MTMR12: variants seen among roughly 807,000 people sequenced by gnomAD.
MTMR12 encodes myotubularin related protein 12, also known as myotubularin-related protein 12.
In MTMR12, 33 loss-of-function variants were observed where a neutral mutation model predicts 96.7. That is an observed-to-expected ratio of 0.34 (90% CI 0.26 to 0.46). The LOEUF is 0.46. Ranked by LOEUF, MTMR12 falls within the 20% of genes least tolerant of loss-of-function variation. MTMR12 has a pLI of 1.00. For synonymous variants in MTMR12, 298 were observed against 327.2 expected (o/e 0.91, Z 0.96); for missense variants, 721 against 896.1 (o/e 0.80, Z 2.49).
chr5:32,279,025 G>A (rs147396961), intron 1 of MTMR12, among the ~76,000 whole-genome samples: 2,471 of 136,986 alleles, frequency 0.018, 74 homozygotes, highest in African/African-American at 0.062. Context: ...GCAGTGAGCC[G>A]AGATTGTGCC....
Position 32,228,547 on chromosome 5 carries a change from T to TATATATGATATATATATCAC in MTMR12, c.*1230_*1231insGTGATATATATATCATATAT, listed in dbSNP as rs1747830490. ...TATCATATATATGATATATATATCA[T>TATATATGATATATATATCAC]ATATATGTGATATATATATATCATA... On this transcript the variant is annotated 3_prime_UTR_variant, in exon 16 of 16. Coordinates refer to ENST00000382142, the MANE Select transcript of MTMR12 (RefSeq NM_001040446.3). 7.5e-6 allele frequency: 1 copy of TATATATGATATATATATCAC among 132,666 alleles called. No individual in the cohort carries two copies. The highest frequency in any genetic ancestry group is 3.0e-5 in the African/African-American group (1 of 33,846). 8.2% of individuals were successfully genotyped at this position (132,666 alleles called of 1,614,324 possible).
At chr5:32,295,244 A>T (rs571415314) in intron 1 of MTMR12, among the ~76,000 whole-genome samples, 12 of 152,298 alleles carry the variant, frequency 7.9e-5, no homozygotes, top group African/African-American at 2.9e-4. Flanking sequence ...GCTCTATTCC[A>T]CTAGCTATAT....
At chr5:32,307,320 C>A (rs1232541091) in intron 1 of MTMR12, among the ~76,000 whole-genome samples, 1 of 152,070 alleles carries the variant, frequency 6.6e-6, no homozygotes, top group Non-Finnish European at 1.5e-5. Context: ...CATATCCCTC[C>A]CTAGAGCAGA....
rs1274199018 is a variant in MTMR12, at chr5:32,228,304, T to G, written c.*1474A>C. 2.0e-5 allele frequency: 3 copies of G among 152,032 alleles called. No homozygotes were observed. Among genetic ancestry groups the G allele is most frequent in the African/African-American group, 7.2e-5 (3 of 41,386 alleles). 9.4% of individuals were successfully genotyped at this position (152,032 alleles called of 1,614,324 possible). ...AGCCACCACACCCGGCCTCAAATTT[T>G]CTTATTGCCCTTGAGCAACTGAAAG... On this transcript the variant is annotated 3_prime_UTR_variant, in exon 16 of 16. Coordinates refer to ENST00000382142, the MANE Select transcript of MTMR12 (RefSeq NM_001040446.3).
chr5:32,308,840 T>C (rs944806021), intron 1 of MTMR12, among the ~76,000 whole-genome samples: 1 of 152,172 alleles, frequency 6.6e-6, no homozygotes, highest in Non-Finnish European at 1.5e-5. Flanking sequence ...CTTGGCCTCA[T>C]GATCCACCCA....
At chr5:32,307,477 T>C (rs1338680710) in intron 1 of MTMR12, among the ~76,000 whole-genome samples, 1 of 152,048 alleles carries the variant, frequency 6.6e-6, no homozygotes, top group Non-Finnish European at 1.5e-5. Context: ...TCCCTCCTAT[T>C]CATCTCAACT....
chr5:32,302,092 C>T (rs189517742), intron 1 of MTMR12, among the ~76,000 whole-genome samples: 10 of 151,934 alleles, frequency 6.6e-5, no homozygotes, highest in Non-Finnish European at 8.8e-5. Flanking sequence ...CCCTATCTTA[C>T]GGCTGAAATC....
Position 32,228,595 on chromosome 5 carries a change from TATATATATATATCATATATATG to T in MTMR12, c.*1161_*1182del, listed in dbSNP as rs1351144696. On this transcript the variant is annotated 3_prime_UTR_variant, in exon 16 of 16. Coordinates refer to ENST00000382142, the MANE Select transcript of MTMR12 (RefSeq NM_001040446.3). ...ATATATATATCATATATATGTGATA[TATATATATATATCATATATATG>T]ATATATATATATCACATATATATCA... 1.8e-5 allele frequency: 2 copies of T among 110,174 alleles called. No individual in the cohort carries two copies. The highest frequency in any genetic ancestry group is 7.2e-5 in the African/African-American group (2 of 27,750). The allele number at this position is 110,174 out of a possible 1,614,324, so 6.8% of individuals were successfully genotyped here.
At chr5:32,284,647 C>T (rs375979402) in intron 1 of MTMR12, among the ~76,000 whole-genome samples, 2 of 152,174 alleles carry the variant, frequency 1.3e-5, no homozygotes, top group African/African-American at 4.8e-5. Context: ...AGCCTCTGCG[C>T]CTTTAACTCT....
chr5:32,242,509 G>GT (rs1748517693), intron 11 of MTMR12, among the ~76,000 whole-genome samples: 2 of 152,180 alleles, frequency 1.3e-5, no homozygotes, highest in Admixed American at 1.3e-4. Context: ...CCTGCTGAAT[G>GT]TATCAGAATG....
rs913894187 is a variant in MTMR12, at chr5:32,248,757, A to G, written c.896+15T>C. The G allele has an allele frequency of 6.3e-7, 1 of 1,594,272 alleles. No homozygotes were observed. The highest frequency in any genetic ancestry group is 1.3e-5 in the African/African-American group (1 of 74,666). On this transcript the variant is annotated intron_variant, in intron 9 of 15. Coordinates refer to ENST00000382142, the MANE Select transcript of MTMR12 (RefSeq NM_001040446.3). ...CAAGAACTGAACAAGAACAAAATGT[A>G]GAACTAGTACTGACCCATCTAAGAA... is the stretch of plus-strand genomic sequence containing the variant.
At chr5:32,272,047 T>C in intron 3 of MTMR12, 142 bp from the exon 4 acceptor site, 2 of 442,336 alleles carry the variant, frequency 4.5e-6, no homozygotes, top group Admixed American at 4.4e-5. Context: ...ATCCCAGCAC[T>C]TTGGGAGGCC....
rs1561727175 is a variant in MTMR12, at chr5:32,228,589, G to GATATATATATATCACATATATA, written c.*1188_*1189insTATATATGTGATATATATATAT. 4.8e-5 allele frequency: 5 copies of GATATATATATATCACATATATA among 103,268 alleles called. No homozygotes were observed. The highest frequency in any genetic ancestry group is 2.1e-4 in the African/African-American group (5 of 23,578). 6.4% of individuals were successfully genotyped at this position (103,268 alleles called of 1,614,324 possible). The stretch of plus-strand genomic sequence containing the variant: ...TATATCATATATATATCATATATAT[G>GATATATATATATCACATATATA]TGATATATATATATATATCATATAT... On this transcript the variant is annotated 3_prime_UTR_variant, in exon 16 of 16. Transcript: ENST00000382142.
chr5:32,284,218 T>A (rs988595698), intron 1 of MTMR12, among the ~76,000 whole-genome samples: 1 of 143,622 alleles, frequency 7.0e-6, no homozygotes, highest in Non-Finnish European at 1.5e-5. Flanking sequence ...CTCAGAAGGC[T>A]GGGGCGGGAG....
chr5:32,257,065 C>T (rs535019318), intron 7 of MTMR12, among the ~76,000 whole-genome samples: 9 of 152,150 alleles, frequency 5.9e-5, no homozygotes, highest in Non-Finnish European at 8.8e-5. Context: ...TGGTGGCACA[C>T]GCCTATAATC....
intron 7 of MTMR12, among the ~76,000 whole-genome samples, chr5:32,257,432 TTCA>T (rs1749183959): frequency 6.6e-6 from 1 of 152,054 alleles, no homozygotes; most frequent in African/African-American, 2.4e-5. Flanking sequence ...TAAATGGGAA[TTCA>T]TCATATCTTC....
At chr5:32,236,897 A>C (rs1238215821) in intron 13 of MTMR12, among the ~76,000 whole-genome samples, 1 of 152,246 alleles carries the variant, frequency 6.6e-6, no homozygotes, top group Non-Finnish European at 1.5e-5. Context: ...GTCTCCACAA[A>C]GTATCAGCTC....
intron 15 of MTMR12, among the ~76,000 whole-genome samples, chr5:32,230,910 T>C (rs1747969794): frequency 6.6e-6 from 1 of 152,218 alleles, no homozygotes; most frequent in African/African-American, 2.4e-5. Context: ...TCATAAAGAT[T>C]CTTTTAGATA....
Position 32,273,997 on chromosome 5 carries a change from A to T in MTMR12, c.268T>A (p.Ser90Thr), listed in dbSNP as rs371910429. The T allele has an allele frequency of 7.4e-6, 12 of 1,614,210 alleles. No homozygotes were observed. The highest frequency in any genetic ancestry group is 8.5e-6 in the Non-Finnish European group (10 of 1,180,030). The change falls in exon 3 of 16, where the codon TCT becomes ACT. Residue 90 changes from serine to threonine, a missense_variant. Physicochemically the swap from Ser to Thr is moderately conservative, Grantham distance 58. Transcript: ENST00000382142. ...FKIAFLGDDE[S>T]ALDNDETQFK... is the part of the protein sequence containing the mutation. ...ATACATACATCATTATCCAATGCAG[A>T]TTCATCATCACCCAAGAAGGCAATC...
Sources: gnomAD v4.1 joint callset for allele counts (sites outside exome capture counted in the v4.1 genomes callset) on GRCh38, gnomAD v4.1.1 for gene constraint, MANE v1.5 for transcripts, NCBI Gene and HGNC (gene_info 2026-07-23, HGNC 2026-07-21) for gene names.